Variants in GALNT16 observed in about 807,000 individuals in gnomAD.
GALNT16 encodes the protein polypeptide N-acetylgalactosaminyltransferase 16.
In GALNT16, 40 loss-of-function variants were observed where a neutral mutation model predicts 76.1. The ratio of observed to expected loss-of-function variants is 0.53; its 90% CI spans 0.41 to 0.68. GALNT16 has a LOEUF of 0.68. Ranked by LOEUF, GALNT16 falls within the 30% of genes least tolerant of loss-of-function variation. GALNT16 has a pLI of 0.00. For synonymous variants in GALNT16, 276 were observed against 285.2 expected, an observed-to-expected ratio of 0.97 and a Z score of 0.32; for missense variants, 621 against 731.9, an observed-to-expected ratio of 0.85 and a Z score of 1.75.
chr14:69,293,891 C>T (rs2044718502), intron 1 of GALNT16, among the ~76,000 whole-genome samples: 1 of 151,442 alleles, frequency 6.6e-6, no homozygotes, highest in South Asian at 2.1e-4. Context: ...ATGCCAGAAC[C>T]CATACTTTTT....
At chr14:69,340,892 T>C (rs966123982) in intron 11 of GALNT16, among the ~76,000 whole-genome samples, 1 of 151,610 alleles carries the variant, frequency 6.6e-6, no homozygotes, top group African/African-American at 2.4e-5. Flanking sequence ...ATATTACAAA[T>C]GTAAGATAGT....
chr14:69,280,105 C>T (rs74711621), intron 1 of GALNT16, among the ~76,000 whole-genome samples: 32 of 152,200 alleles, frequency 2.1e-4, no homozygotes, highest in Non-Finnish European at 4.6e-4. Context: ...TAAAGACATT[C>T]ACATTGTTGT....
In GALNT16 at chr14:69,328,544, G is replaced by A. The variant is rs769322189; in HGVS notation, c.663G>A (p.Leu221=). The part of the protein sequence containing the change: ...DSHCEVNTEW[L]PPMLQRVKED... The stretch of plus-strand genomic sequence containing the variant: ...ACTGCGAAGTGAACACCGAGTGGCT[G>A]CCGCCCATGCTGCAGCGGGTGAAGG... Residue 221 remains leucine (L), a synonymous_variant, in exon 6 of 15, where the codon CTG becomes CTA. Transcript: ENST00000448469. The A allele has an allele frequency of 3.7e-5, 60 of 1,613,662 alleles. No homozygotes were observed. Among genetic ancestry groups the A allele is most frequent in the Non-Finnish European group, 4.9e-5 (58 of 1,179,916 alleles).
intron 9 of GALNT16, among the ~76,000 whole-genome samples, chr14:69,336,886 G>A (rs957028855): frequency 4.6e-5 from 7 of 151,536 alleles, no homozygotes; most frequent in Non-Finnish European, 1.0e-4. Context: ...CGCCACACCC[G>A]GATAATTTCT....
chr14:69,372,461 T>C, the GALNT16 span, among the ~76,000 whole-genome samples: 2 of 150,130 alleles, frequency 1.3e-5, no homozygotes, highest in South Asian at 4.2e-4. Context: ...AAGGCTCAAA[T>C]ACATAATTGT....
At chr14:69,302,052 A>C (rs182925407) in intron 1 of GALNT16, among the ~76,000 whole-genome samples, 86 of 152,272 alleles carry the variant, frequency 5.6e-4, no homozygotes, top group African/African-American at 2.0e-3. Flanking sequence ...GGGGTGCTGC[A>C]TGCAAAGTTT....
At chr14:69,317,570 A>C (rs1426865534) in intron 1 of GALNT16, among the ~76,000 whole-genome samples, 1 of 152,236 alleles carries the variant, frequency 6.6e-6, no homozygotes, top group East Asian at 1.9e-4. Flanking sequence ...GTTTTCACTC[A>C]GTATTTGCTG....
intron 1 of GALNT16, among the ~76,000 whole-genome samples, chr14:69,277,128 T>C (rs2044481156): frequency 6.6e-6 from 1 of 152,214 alleles, no homozygotes; most frequent in South Asian, 2.1e-4. Context: ...GGCTGAATAG[T>C]CAAAATGGGT....
Position 69,341,771 on chromosome 14 carries a change from G to T in GALNT16, c.1271+7G>T. On this transcript the variant is annotated splice_region_variant and intron_variant, in intron 12 of 14. Coordinates refer to ENST00000448469, the MANE Select transcript of GALNT16 (RefSeq NM_001168368.2). Reference sequence around the variant, plus strand: ...ACGTCTACCCAGAGCTCACGTGAGTGCAGCCCTCATCTTGTGCATCCCCCA... The same window carrying T: ...ACGTCTACCCAGAGCTCACGTGAGTTCAGCCCTCATCTTGTGCATCCCCCA... The T allele has an allele frequency of 6.2e-7, 1 of 1,603,364 alleles. No individual in the cohort carries two copies. The highest frequency in any genetic ancestry group is 8.5e-7 in the Non-Finnish European group (1 of 1,171,050).
At chr14:69,385,863 G>A in the GALNT16 span, among the ~76,000 whole-genome samples, 495 of 152,168 alleles carry the variant, frequency 3.3e-3, 3 homozygotes, top group African/African-American at 0.011. Flanking sequence ...ACACACTTCT[G>A]CATTTGGCTT....
At position 69,347,932 on chromosome 14, in the gene GALNT16, C is replaced by T. The variant is rs1458669295; in HGVS notation, c.1469C>T (p.Thr490Ile). The T allele has an allele frequency of 1.2e-6, 2 of 1,614,052 alleles. No individual in the cohort carries two copies. Among genetic ancestry groups the T allele is most frequent in the South Asian group, 1.1e-5 (1 of 91,088 alleles). The change falls in exon 14 of 15, where the codon ACC becomes ATC. Residue 490 changes from threonine to isoleucine, a missense_variant. Coordinates refer to ENST00000448469, the MANE Select transcript of GALNT16 (RefSeq NM_001168368.2). The part of the protein sequence containing the change: ...IQQQGKCLAA[T>I]STLMSSPGSP... ...CAGCAGGGGAAGTGCCTGGCTGCCACCTCCACCTTAATGTCCTCCCCTGGA... is the reference window on the plus strand; with the variant it reads ...CAGCAGGGGAAGTGCCTGGCTGCCATCTCCACCTTAATGTCCTCCCCTGGA...
rs560162878 is a variant in GALNT16 at position 69,297,641 on chromosome 14, A to C, written c.178-23070A>C. 1.7e-3 allele frequency among the ~76,000 whole-genome samples: 263 copies of C among 151,486 alleles called. 1 individual carries two copies. The highest frequency in any genetic ancestry group is 6.8e-3 in the Middle Eastern group (2 of 294). ...TGTATTTGGAAAAGCCAAAAAAAAA[A>C]ACAAACTACAAAGAAAAACATAACA... On this transcript the variant is annotated intron_variant, in intron 1 of 14. Coordinates refer to ENST00000448469, the MANE Select transcript of GALNT16 (RefSeq NM_001168368.2).
intron 1 of GALNT16, among the ~76,000 whole-genome samples, chr14:69,311,615 C>T (rs917037438): frequency 3.3e-5 from 5 of 152,140 alleles, no homozygotes; most frequent in Admixed American, 6.5e-5. Context: ...ATAACCTAAC[C>T]GATTAATTAC....
chr14:69,339,888 C>T (rs992641589), intron 11 of GALNT16, among the ~76,000 whole-genome samples: 1 of 152,218 alleles, frequency 6.6e-6, no homozygotes, highest in Non-Finnish European at 1.5e-5. Flanking sequence ...GAACAGGCAT[C>T]TGTGGAACTG....
chr14:69,260,819 T>G (rs2044257625), intron 1 of GALNT16, among the ~76,000 whole-genome samples: 1 of 151,456 alleles, frequency 6.6e-6, no homozygotes, highest in Non-Finnish European at 1.5e-5. Context: ...CCCGGAAGGC[T>G]GCCGGGCCCA....
rs559637830 is a variant in GALNT16 at position 69,274,768 on chromosome 14, C to T, written c.177+14301C>T. On this transcript the variant is annotated intron_variant, in intron 1 of 14. Transcript: ENST00000448469. ...GCTGGTTTGAGAATAGACTGGAGGACGGCAGGGATAGAAGCACTTTTTGAC... is the reference window on the plus strand; with the variant it reads ...GCTGGTTTGAGAATAGACTGGAGGATGGCAGGGATAGAAGCACTTTTTGAC... 1.7e-4 allele frequency among the ~76,000 whole-genome samples: 26 copies of T among 152,268 alleles called. No homozygotes were observed. In the East Asian group the frequency reaches 1.9e-3, roughly 11 times the overall value.
In GALNT16 at chr14:69,354,167, C is replaced by A; in HGVS notation, c.*1999C>A. ...ACTGGGCCCAGGGCAAAGGCCTCTC[C>A]CCAGAGGATGGACTAGAAGGCCTGG... On this transcript the variant is annotated 3_prime_UTR_variant, in exon 15 of 15. Transcript: ENST00000448469. The A allele has an allele frequency of 6.5e-6, 1 of 152,942 alleles. No homozygotes were observed. The allele number at this position is 152,942 out of a possible 1,614,324, so 9.5% of individuals were successfully genotyped here.
chr14:69,364,934 C>T, the GALNT16 span, among the ~76,000 whole-genome samples: 2 of 152,214 alleles, frequency 1.3e-5, no homozygotes, highest in East Asian at 1.9e-4. The surrounding 1 kb of genome is among the most constrained non-coding windows in gnomAD (Gnocchi z 4.2). Context: ...AGGGTAGACA[C>T]TATTATGATA....
intron 1 of GALNT16, 114 bp from the exon 2 acceptor site, chr14:69,320,597 C>T (rs1039542484): frequency 2.9e-5 from 23 of 790,396 alleles, no homozygotes; most frequent in Admixed American, 1.1e-4. Flanking sequence ...ATAGAGTTGG[C>T]GTAAGGCACA....
Sources: gnomAD v4.1 joint callset for allele counts (sites outside exome capture counted in the v4.1 genomes callset) on GRCh38, gnomAD v4.1.1 for gene constraint, Gnocchi (gnomAD v3.1) non-coding constraint, MANE v1.5 for transcripts, NCBI Gene and HGNC (gene_info 2026-07-23, HGNC 2026-07-21) for gene names.